CTNNA3: variants seen among roughly 807,000 people sequenced by gnomAD.
CTNNA3 encodes the protein catenin alpha-3.
In CTNNA3, 76 loss-of-function variants were observed where a neutral mutation model predicts 95.7. The observed-to-expected ratio is 0.79, with a 90% CI of 0.66 to 0.96. The LOEUF (loss-of-function observed/expected upper bound fraction) is 0.96, where lower values mean the gene tolerates loss of function less well. CTNNA3 is among the 40% of genes least tolerant of loss of function. The pLI is 0.00. For synonymous variants in CTNNA3, 431 were observed against 374.4 expected (o/e 1.15, Z -1.74); for missense variants, 1,191 against 1,089.8 (o/e 1.09, Z -1.31).
chr10:66,821,011 A>G (rs1289412656), intron 7 of CTNNA3, among the ~76,000 whole-genome samples: 2 of 152,086 alleles, frequency 1.3e-5, no homozygotes, highest in Non-Finnish European at 2.9e-5. Context: ...CCACTACAAC[A>G]TGTTTTAAAA....
chr10:66,787,743 T>A (rs1840806873), intron 7 of CTNNA3, among the ~76,000 whole-genome samples: 1 of 152,240 alleles, frequency 6.6e-6, no homozygotes, highest in South Asian at 2.1e-4. Context: ...AAATGAAGTA[T>A]CATTCTGGTT....
At chr10:66,820,306 T>C (rs1842261032) in intron 7 of CTNNA3, among the ~76,000 whole-genome samples, 1 of 152,022 alleles carries the variant, frequency 6.6e-6, no homozygotes, top group South Asian at 2.1e-4. Context: ...AGAAAGTGGA[T>C]TAGTGGCTGC....
chr10:67,107,520 C>T (rs1179447308), intron 7 of CTNNA3, among the ~76,000 whole-genome samples: 1 of 152,180 alleles, frequency 6.6e-6, no homozygotes, highest in Admixed American at 6.6e-5. Flanking sequence ...CAACAAAATA[C>T]TGTTTGGCAC....
intron 5 of CTNNA3, among the ~76,000 whole-genome samples, chr10:67,361,173 T>A (rs1410635144): frequency 2.6e-5 from 4 of 152,210 alleles, no homozygotes; most frequent in African/African-American, 9.6e-5. Flanking sequence ...AGTCACATAA[T>A]AGAGGAGGAC....
chr10:66,158,773 T>A (rs1482053019), intron 13 of CTNNA3, among the ~76,000 whole-genome samples: 3 of 152,054 alleles, frequency 2.0e-5, no homozygotes, highest in Non-Finnish European at 2.9e-5. Flanking sequence ...TTCTACCCAT[T>A]CATGAGCATA....
intron 10 of CTNNA3, among the ~76,000 whole-genome samples, chr10:66,573,920 T>A (rs1180076071): frequency 6.6e-6 from 1 of 152,134 alleles, no homozygotes; most frequent in Admixed American, 6.6e-5. Context: ...ACTACTGATG[T>A]ACTTTACAGA....
At chr10:67,492,933 CAT>C (rs1359778748) in intron 5 of CTNNA3, among the ~76,000 whole-genome samples, 2 of 151,964 alleles carry the variant, frequency 1.3e-5, no homozygotes, top group African/African-American at 4.8e-5. Context: ...AGGAAGGAAT[CAT>C]AGAAAAAGAA....
At chr10:67,016,658 G>C (rs1852677819) in intron 7 of CTNNA3, among the ~76,000 whole-genome samples, 1 of 152,140 alleles carries the variant, frequency 6.6e-6, no homozygotes, top group Non-Finnish European at 1.5e-5. Flanking sequence ...ATTTTTGGGG[G>C]AAAGGCACCT....
At chr10:66,682,412 C>T (rs1019371765) in intron 9 of CTNNA3, among the ~76,000 whole-genome samples, 1 of 151,792 alleles carries the variant, frequency 6.6e-6, no homozygotes, top group South Asian at 2.1e-4. Flanking sequence ...AACATAGAGG[C>T]CATCTCCTCA....
intron 16 of CTNNA3, among the ~76,000 whole-genome samples, chr10:65,979,517 C>G (rs749115536): frequency 8.5e-5 from 13 of 152,060 alleles, no homozygotes; most frequent in Non-Finnish European, 1.6e-4. Flanking sequence ...AAAGGTAACT[C>G]AGACAAATTC....
At chr10:66,256,645 C>T (rs968886606) in intron 13 of CTNNA3, among the ~76,000 whole-genome samples, 10 of 151,568 alleles carry the variant, frequency 6.6e-5, no homozygotes, top group Non-Finnish European at 1.2e-4. Flanking sequence ...TGCTTGAACC[C>T]GGGAGGCAGA....
At chr10:66,087,525 G>T (rs2081035214) in intron 14 of CTNNA3, among the ~76,000 whole-genome samples, 1 of 151,924 alleles carries the variant, frequency 6.6e-6, no homozygotes, top group African/African-American at 2.4e-5. Flanking sequence ...AACAGTACAC[G>T]GTAGAGAAAC....
intron 2 of CTNNA3, among the ~76,000 whole-genome samples, chr10:67,632,368 T>A (rs1839172887): frequency 6.6e-6 from 1 of 150,856 alleles, no homozygotes; most frequent in Non-Finnish European, 1.5e-5. Flanking sequence ...GGCGGCTAGA[T>A]TTGGAGCCCC....
intron 13 of CTNNA3, among the ~76,000 whole-genome samples, chr10:66,190,847 C>T (rs1201063721): frequency 6.6e-6 from 1 of 152,068 alleles, no homozygotes; most frequent in African/African-American, 2.4e-5. Flanking sequence ...AAGATGTTGC[C>T]TACCTTTCTG....
At chr10:67,486,757 A>T (rs1848465871) in intron 5 of CTNNA3, among the ~76,000 whole-genome samples, 1 of 152,190 alleles carries the variant, frequency 6.6e-6, no homozygotes, top group Non-Finnish European at 1.5e-5. Context: ...ACATTTGTGG[A>T]AATAGATAAT....
At chr10:66,743,811 GC>G (rs879457643) in intron 9 of CTNNA3, among the ~76,000 whole-genome samples, 2 of 151,576 alleles carry the variant, frequency 1.3e-5, no homozygotes, top group Admixed American at 6.6e-5. Context: ...TCCCGTCTCT[GC>G]CAAAAATACA....
intron 16 of CTNNA3, among the ~76,000 whole-genome samples, chr10:65,974,704 C>A (rs1385804931): frequency 1.3e-5 from 2 of 151,778 alleles, no homozygotes; most frequent in African/African-American, 2.4e-5. Flanking sequence ...TGCAATATAC[C>A]CACTGAATCT....
At chr10:66,905,772 T>C (rs1845963124) in intron 7 of CTNNA3, among the ~76,000 whole-genome samples, 2 of 152,180 alleles carry the variant, frequency 1.3e-5, no homozygotes, top group African/African-American at 2.4e-5. Context: ...TTCACTTACA[T>C]GAGGTATCTA....
At chr10:66,114,220 T>C (rs1416278815) in intron 13 of CTNNA3, among the ~76,000 whole-genome samples, 3 of 152,070 alleles carry the variant, frequency 2.0e-5, no homozygotes, top group Admixed American at 6.6e-5. Context: ...GACTAGACAG[T>C]AAAAGGGAGT....
Sources: gnomAD v4.1 joint callset for allele counts (sites outside exome capture counted in the v4.1 genomes callset) on GRCh38, gnomAD v4.1.1 for gene constraint, MANE v1.5 for transcripts, NCBI Gene and HGNC (gene_info 2026-07-23, HGNC 2026-07-21) for gene names.